PTPRM: variants seen among roughly 807,000 people sequenced by gnomAD.
PTPRM encodes the protein receptor-type tyrosine-protein phosphatase mu.
A neutral mutation model predicts 186.7 loss-of-function variants in PTPRM; 47 were observed. The observed-to-expected ratio is 0.25, with a 90% confidence interval of 0.20 to 0.32. The LOEUF is 0.32. Ranked by LOEUF, PTPRM falls within the 10% of genes least tolerant of loss-of-function variation. PTPRM has a pLI of 1.00. For synonymous variants in PTPRM, 668 were observed against 674.9 expected, an observed-to-expected ratio of 0.99 and a Z score of 0.16; for missense variants, 1,494 against 1,865.0, an observed-to-expected ratio of 0.80 and a Z score of 3.66.
chr18:7,752,726 G>A (rs2041280041), intron 1 of PTPRM, among the ~76,000 whole-genome samples: 1 of 152,160 alleles, frequency 6.6e-6, no homozygotes, highest in African/African-American at 2.4e-5. Flanking sequence ...ACAGGCATGA[G>A]TCACCGTGCC....
intron 7 of PTPRM, among the ~76,000 whole-genome samples, chr18:8,060,259 T>C (rs1252129273): frequency 8.7e-6 from 1 of 114,996 alleles, no homozygotes; most frequent in African/African-American, 3.0e-5. Context: ...GTTTGTAGTA[T>C]TCTCTGATGG....
At chr18:7,880,799 T>C (rs944489212) in intron 2 of PTPRM, among the ~76,000 whole-genome samples, 1 of 152,170 alleles carries the variant, frequency 6.6e-6, no homozygotes, top group African/African-American at 2.4e-5. Context: ...GGGTGTAACC[T>C]GGTATTATGA....
intron 19 of PTPRM, among the ~76,000 whole-genome samples, chr18:8,261,072 C>T (rs72913110): frequency 0.026 from 3,924 of 152,302 alleles, 213 homozygotes; most frequent in Admixed American, 0.13. Flanking sequence ...GAGGGAGAGG[C>T]GCCCCTTCCC....
At chr18:8,266,641 G>A (rs565631099) in intron 19 of PTPRM, among the ~76,000 whole-genome samples, 68 of 152,200 alleles carry the variant, frequency 4.5e-4, no homozygotes, top group Middle Eastern at 3.4e-3. Flanking sequence ...TGGATGCCAC[G>A]GCTCATGCCT....
chr18:7,631,367 C>G (rs1345092082), intron 1 of PTPRM, among the ~76,000 whole-genome samples: 1 of 151,712 alleles, frequency 6.6e-6, no homozygotes, highest in Non-Finnish European at 1.5e-5. Context: ...AATAGTGATT[C>G]TCAGTGTTGA....
At chr18:7,710,080 AAG>A (rs2040180060) in intron 1 of PTPRM, among the ~76,000 whole-genome samples, 1 of 152,194 alleles carries the variant, frequency 6.6e-6, no homozygotes, top group Non-Finnish European at 1.5e-5. Flanking sequence ...AAAATCAGGA[AAG>A]AACATAACAA....
In PTPRM at chr18:7,854,927, T is replaced by C. The variant is rs1175153185; in HGVS notation, c.197-33179T>C. Among the ~76,000 whole-genome samples, 6 of 152,162 alleles carry C rather than the reference T, an allele frequency of 3.9e-5. No homozygotes were observed. The East Asian group carries it at 1.2e-3, about 29-fold the overall frequency. On this transcript the variant is annotated intron_variant, in intron 2 of 32. Transcript: ENST00000580170. ...CAAGCAAATAATTATAAATAAGTTATCATTTTACTGCATATCCTTGAAGGT... is the reference window on the plus strand; with the variant it reads ...CAAGCAAATAATTATAAATAAGTTACCATTTTACTGCATATCCTTGAAGGT...
intron 7 of PTPRM, among the ~76,000 whole-genome samples, chr18:7,982,433 C>T (rs952010156): frequency 2.6e-5 from 4 of 151,908 alleles, no homozygotes; most frequent in Non-Finnish European, 5.9e-5. Context: ...GGGGCAGTAA[C>T]ACTCATGGAG....
At chr18:7,942,680 T>C (rs2052264537) in intron 5 of PTPRM, among the ~76,000 whole-genome samples, 1 of 152,136 alleles carries the variant, frequency 6.6e-6, no homozygotes, top group African/African-American at 2.4e-5. Flanking sequence ...ATGATCTTTC[T>C]GATGTTGTGG....
rs189337665 is a variant in PTPRM, at chr18:8,404,187, C to A, written c.4345-1922C>A. On this transcript the variant is annotated intron_variant, in intron 32 of 32. Transcript: ENST00000580170. ...TTCCCTCCAGCCGTGTATGAGGGTT[C>A]GCTTTCTCCACGCCCTCGCTAACAC... 7.0e-4 allele frequency: 107 copies of A among 152,318 alleles called. 1 individual carries two copies. The highest frequency in any genetic ancestry group is 2.4e-3 in the African/African-American group (98 of 41,554). The allele number at this position is 152,318 out of a possible 1,614,324, so 9.4% of individuals were successfully genotyped here.
At chr18:8,154,718 G>A (rs1188515822) in intron 14 of PTPRM, 2 of 152,156 alleles carry the variant, frequency 1.3e-5, no homozygotes, top group Non-Finnish European at 2.9e-5. Context: ...ATACTAATTA[G>A]TACATGGAAT....
intron 8 of PTPRM, among the ~76,000 whole-genome samples, chr18:8,071,633 A>G (rs1394674157): frequency 1.3e-5 from 2 of 152,154 alleles, no homozygotes; most frequent in Admixed American, 6.5e-5. Context: ...CTTGTTCTGC[A>G]AAGCCATCCC....
At chr18:8,392,568 A>G (rs1016943029) in intron 31 of PTPRM, among the ~76,000 whole-genome samples, 9 of 152,138 alleles carry the variant, frequency 5.9e-5, no homozygotes, top group Admixed American at 3.9e-4. Context: ...CAGAGCTTGC[A>G]GTGAGCCAAG....
chr18:7,638,261 A>C (rs959179851), intron 1 of PTPRM, among the ~76,000 whole-genome samples: 1 of 152,196 alleles, frequency 6.6e-6, no homozygotes, highest in African/African-American at 2.4e-5. Context: ...GTAAGAGGAG[A>C]GTGTTTTACA....
At chr18:8,200,978 T>C (rs1286079170) in intron 14 of PTPRM, among the ~76,000 whole-genome samples, 15 of 152,146 alleles carry the variant, frequency 9.9e-5, no homozygotes, top group Non-Finnish European at 4.4e-5. Context: ...TTTTCTCCTA[T>C]TAATTAATAT....
intron 2 of PTPRM, among the ~76,000 whole-genome samples, chr18:7,810,611 G>A (rs1274821428): frequency 6.6e-6 from 1 of 152,012 alleles, no homozygotes; most frequent in Non-Finnish European, 1.5e-5. Flanking sequence ...GTGTGTTGGG[G>A]AGAGACTGGG....
chr18:8,195,064 A>G (rs991228990), intron 14 of PTPRM, among the ~76,000 whole-genome samples: 4 of 152,152 alleles, frequency 2.6e-5, no homozygotes, highest in Admixed American at 2.6e-4. Context: ...AAACCTCTCA[A>G]AACTACAGAA....
chr18:8,399,708 G>A, intron 32 of PTPRM: 1 of 152,164 alleles, frequency 6.6e-6, no homozygotes, highest in East Asian at 1.9e-4. Flanking sequence ...TCCAGATCCG[G>A]ATCCCTCCTC....
intron 2 of PTPRM, among the ~76,000 whole-genome samples, chr18:7,871,803 C>G (rs1036482635): frequency 2.0e-5 from 3 of 152,186 alleles, no homozygotes; most frequent in African/African-American, 7.2e-5. Flanking sequence ...CCTGCCACAC[C>G]TGACTTAAGA....
Sources: allele counts gnomAD v4.1 joint callset (sites outside exome capture counted in the v4.1 genomes callset), GRCh38; gene constraint gnomAD v4.1.1; transcripts MANE v1.5; gene names NCBI Gene and HGNC (gene_info 2026-07-23, HGNC 2026-07-21).